UBE2U: variants seen among roughly 807,000 people sequenced by gnomAD.
UBE2U encodes the protein ubiquitin-conjugating enzyme E2 U.
In UBE2U, 39 loss-of-function variants were observed where a neutral mutation model predicts 41.2. The ratio of observed to expected loss-of-function variants is 0.95; its 90% CI spans 0.73 to 1.24. The LOEUF (loss-of-function observed/expected upper bound fraction) is 1.24, where lower values mean the gene tolerates loss of function less well. Among genes scored for constraint, UBE2U ranks in the 50% most tolerant of loss-of-function variants. The pLI is 0.00. For missense variants in UBE2U, 336 were observed against 363.1 expected (o/e 0.93, Z 0.61); for synonymous variants, 107 against 117.8 (o/e 0.91, Z 0.60).
intron 8 of UBE2U, among the ~76,000 whole-genome samples, chr1:64,250,974 T>G (rs1645001065): frequency 1.3e-5 from 2 of 150,854 alleles, no homozygotes; most frequent in Non-Finnish European, 1.5e-5. Flanking sequence ...AATGACGAGT[T>G]AATGGGTGCA....
rs149062313 is a variant in UBE2U, at chr1:64,239,157, AAAGAAGAAG to A, written c.596-2468_596-2460del. Among the ~76,000 whole-genome samples, 38 of 37,066 alleles carry A rather than the reference AAAGAAGAAG, an allele frequency of 1.0e-3. 1 individual carries two copies. The South Asian group carries it at 0.026, about 25-fold the overall frequency. The allele number at this position is 37,066 out of a possible 152,430, so 24.3% of individuals were successfully genotyped here. A position where few individuals can be genotyped will look rare whatever the true frequency, so the allele number is the denominator to read the frequency against. ...GAAGAAGAAGAAGAAGAAGAAGAAG[AAAGAAGAAG>A]AAGAAGAAGAAGAAGAAGAAGAAGA... On this transcript the variant is annotated intron_variant, in intron 7 of 9. Transcript: ENST00000371077.
chr1:64,239,177 A>AGAGGAAGAAGAG (rs1557731417), intron 7 of UBE2U, among the ~76,000 whole-genome samples: 4 of 91,496 alleles, frequency 4.4e-5, no homozygotes, highest in Non-Finnish European at 6.3e-5. Flanking sequence ...AAGAAGAAGA[A>AGAGGAAGAAGAG]GAAGAAGAAG....
At chr1:64,208,603 C>CAAAAAAAAAAAAAAAAAAAAAAAAAA (rs56972795) in intron 3 of UBE2U, among the ~76,000 whole-genome samples, 1 of 36,464 alleles carries the variant, frequency 2.7e-5, no homozygotes, top group Non-Finnish European at 4.5e-5. Context: ...GACGCTGTCT[C>CAAAAAAAAAAAAAAAAAAAAAAAAAA]AAAAAAAAAA....
At chr1:64,259,516 G>C (rs1645148931) in intron 8 of UBE2U, among the ~76,000 whole-genome samples, 1 of 152,026 alleles carries the variant, frequency 6.6e-6, no homozygotes, top group African/African-American at 2.4e-5. Context: ...GTAAGGAAGG[G>C]ATCCAGTTTC....
chr1:64,239,157 A>AAGAAGAAGAAGAGG, intron 7 of UBE2U, among the ~76,000 whole-genome samples: 1 of 37,064 alleles, frequency 2.7e-5, no homozygotes, highest in Non-Finnish European at 5.8e-5. Flanking sequence ...GAAGAAGAAG[A>AAGAAGAAGAAGAGG]AAGAAGAAGA....
chr1:64,216,590 C>T (rs1328752278), intron 5 of UBE2U, among the ~76,000 whole-genome samples: 3 of 152,226 alleles, frequency 2.0e-5, no homozygotes, highest in Non-Finnish European at 2.9e-5. Context: ...CATACGCAGG[C>T]TTGGCCCTGC....
At chr1:64,244,350 T>A in intron 8 of UBE2U, 1 of 783,492 alleles carries the variant, frequency 1.3e-6, no homozygotes, top group South Asian at 5.3e-5. Flanking sequence ...ATGTGTATAT[T>A]ATATATCTGT....
At chr1:64,226,012 G>A (rs1216989764) in intron 6 of UBE2U, among the ~76,000 whole-genome samples, 1 of 152,082 alleles carries the variant, frequency 6.6e-6, no homozygotes, top group African/African-American at 2.4e-5. Context: ...CTACTCCTAA[G>A]TATATACCTA....
At chr1:64,204,451 C>T (rs982670212) in intron 1 of UBE2U, among the ~76,000 whole-genome samples, 7 of 152,112 alleles carry the variant, frequency 4.6e-5, no homozygotes, top group African/African-American at 1.7e-4. Flanking sequence ...AGTAGTATTT[C>T]ATTTTACTTA....
intron 7 of UBE2U, among the ~76,000 whole-genome samples, chr1:64,236,093 G>A (rs1322981299): frequency 2.0e-5 from 3 of 151,980 alleles, no homozygotes; most frequent in Non-Finnish European, 4.4e-5. Context: ...GTGTGACTTT[G>A]GTTAAGTTTC....
intron 7 of UBE2U, among the ~76,000 whole-genome samples, chr1:64,237,304 G>GA (rs35861714): frequency 0.3 from 28,503 of 95,626 alleles, 3,741 homozygotes; most frequent in Middle Eastern, 0.43. Context: ...ATGTATCATA[G>GA]AAAAAAAAAA....
chr1:64,250,645 C>A (rs1440868351), intron 8 of UBE2U, among the ~76,000 whole-genome samples: 2 of 151,884 alleles, frequency 1.3e-5, no homozygotes, highest in African/African-American at 2.4e-5. Flanking sequence ...TCACAATAGC[C>A]AAGACTTGGA....
At chr1:64,266,613 T>C (rs1357789717) in intron 9 of UBE2U, among the ~76,000 whole-genome samples, 9 of 152,190 alleles carry the variant, frequency 5.9e-5, no homozygotes, top group Admixed American at 2.0e-4. Context: ...GCTTATACGA[T>C]GTGTGCTGTT....
intron 7 of UBE2U, among the ~76,000 whole-genome samples, chr1:64,234,736 G>A (rs1644635131): frequency 6.6e-6 from 1 of 152,142 alleles, no homozygotes; most frequent in Non-Finnish European, 1.5e-5. Context: ...TGATACCAGA[G>A]TACCTGAATG....
At chr1:64,226,061 C>T (rs935770543) in intron 6 of UBE2U, among the ~76,000 whole-genome samples, 1 of 152,100 alleles carries the variant, frequency 6.6e-6, no homozygotes, top group Admixed American at 6.5e-5. Flanking sequence ...AAGAGTTGTA[C>T]ACAAATGTTC....
intron 8 of UBE2U, among the ~76,000 whole-genome samples, chr1:64,259,412 AAT>A (rs1341609506): frequency 6.6e-6 from 1 of 152,048 alleles, no homozygotes; most frequent in Non-Finnish European, 1.5e-5. Context: ...CTATGTCCTG[AAT>A]GGTATTGCCT....
rs370723679 is a variant in UBE2U at position 64,210,756 on chromosome 1, G to C, written c.256G>C (p.Gly86Arg). The C allele has an allele frequency of 1.9e-6, 3 of 1,587,114 alleles. No homozygotes were observed. The highest frequency in any genetic ancestry group is 1.7e-5 in the Admixed American group (1 of 57,910). The change falls in exon 4 of 10, where the codon GGT becomes CGT. Residue 86 changes from glycine to arginine, a missense_variant. Gly to Arg is a moderately radical substitution (Grantham distance 125, BLOSUM62 -2). Transcript: ENST00000371077. Reference protein sequence around the residue: ...PFHPNVDPHTGQPCIDFLDNP... With the variant: ...PFHPNVDPHTRQPCIDFLDNP... Reference sequence around the variant, plus strand: ...TTTTAATACAGTAGACCCACACACTGGTCAGCCCTGTATAGACTTTTTGGA... The same window carrying C: ...TTTTAATACAGTAGACCCACACACTCGTCAGCCCTGTATAGACTTTTTGGA...
intron 6 of UBE2U, among the ~76,000 whole-genome samples, chr1:64,225,495 A>C (rs572016962): frequency 6.6e-6 from 1 of 152,236 alleles, no homozygotes; most frequent in Non-Finnish European, 1.5e-5. Context: ...GCTTTTAGGA[A>C]AAGGAGAGAC....
intron 2 of UBE2U, 67 bp downstream of exon 2, chr1:64,205,787 T>G (rs1651257870): frequency 7.6e-7 from 1 of 1,307,752 alleles, no homozygotes; most frequent in Non-Finnish European, 1.1e-6. Context: ...CCATCCTCTT[T>G]TTATGTAGGA....
Sources: allele counts gnomAD v4.1 joint callset (sites outside exome capture counted in the v4.1 genomes callset), GRCh38; gene constraint gnomAD v4.1.1; transcripts MANE v1.5; gene names NCBI Gene and HGNC (gene_info 2026-07-23, HGNC 2026-07-21).